Variants in PCDHA11 observed in about 807,000 individuals in gnomAD.
The protein encoded by PCDHA11 is protocadherin alpha 11.
A neutral mutation model predicts 70.3 loss-of-function variants in PCDHA11; 61 were observed. That is an observed-to-expected ratio of 0.87 (90% CI 0.71 to 1.07). The LOEUF is 1.07. PCDHA11 is among the 50% of genes least tolerant of loss of function. PCDHA11 has a pLI of 0.00. For synonymous variants in PCDHA11, 633 were observed against 555.1 expected (o/e 1.14, Z -1.97); for missense variants, 1,324 against 1,237.5 (o/e 1.07, Z -1.05).
At chr5:140,965,861 T>C (rs971753310) in intron 1 of PCDHA11, among the ~76,000 whole-genome samples, 3 of 152,192 alleles carry the variant, frequency 2.0e-5, no homozygotes, top group African/African-American at 7.2e-5. Flanking sequence ...ACACTGAAAA[T>C]AAGGGCCACT....
chr5:141,001,324 C>G (rs1455380423), intron 3 of PCDHA11, among the ~76,000 whole-genome samples: 2 of 152,154 alleles, frequency 1.3e-5, no homozygotes, highest in Non-Finnish European at 1.5e-5. Flanking sequence ...TGCCAAACAT[C>G]ACCATAATTT....
chr5:140,992,382 G>A (rs1275662967), intron 3 of PCDHA11, among the ~76,000 whole-genome samples: 3 of 152,140 alleles, frequency 2.0e-5, no homozygotes, highest in Non-Finnish European at 4.4e-5. Flanking sequence ...ACATTATTGT[G>A]TTCTGGACTT....
intron 1 of PCDHA11, among the ~76,000 whole-genome samples, chr5:140,913,431 C>G (rs1554195920): frequency 6.6e-6 from 1 of 152,036 alleles, no homozygotes; most frequent in African/African-American, 2.4e-5. Flanking sequence ...AGTTGTAATG[C>G]CTCCTTTTTC....
chr5:140,948,267 A>C (rs964252489), intron 1 of PCDHA11, among the ~76,000 whole-genome samples: 1 of 151,646 alleles, frequency 6.6e-6, no homozygotes, highest in South Asian at 2.1e-4. Context: ...GTGTTCATGT[A>C]GAATATCTGT....
intron 3 of PCDHA11, among the ~76,000 whole-genome samples, chr5:141,006,117 T>C (rs2098255751): frequency 6.6e-6 from 1 of 152,094 alleles, no homozygotes; most frequent in African/African-American, 2.4e-5. Flanking sequence ...TTTTTTTTTT[T>C]TTCTCAAGGC....
Position 140,869,373 on chromosome 5 carries a change from C to T in PCDHA11, c.270C>T (p.Ile90=), listed in dbSNP as rs782224697. 3.1e-6 allele frequency: 5 copies of T among 1,613,984 alleles called. No homozygotes were observed. Among genetic ancestry groups the T allele is most frequent in the African/African-American group, 2.7e-5 (2 of 74,930 alleles). The change falls in exon 1 of 4, where the codon ATC becomes ATT. Residue 90 remains isoleucine, a synonymous_variant. Coordinates refer to ENST00000398640, the MANE Select transcript of PCDHA11 (RefSeq NM_018902.5). The part of the protein sequence containing the change: ...QNGILFVNSR[I]DREELCGQSA... ...GCATTTTGTTTGTGAATTCTCGGATCGACCGCGAGGAGCTGTGCGGGCAGA... is the reference window on the plus strand; with the variant it reads ...GCATTTTGTTTGTGAATTCTCGGATTGACCGCGAGGAGCTGTGCGGGCAGA...
chr5:140,871,452 G>A lies in PCDHA11; in HGVS notation c.2349G>A (p.Glu783=), dbSNP rs1207559291. The A allele has an allele frequency of 1.2e-6, 2 of 1,608,490 alleles. No homozygotes were observed. The highest frequency in any genetic ancestry group is 2.2e-5 in the East Asian group (1 of 44,750). Residue 783 remains glutamate, a synonymous_variant, in exon 1 of 4, where the codon GAG becomes GAA. Coordinates refer to ENST00000398640, the MANE Select transcript of PCDHA11 (RefSeq NM_018902.5). The part of the protein sequence containing the change: ...PSLPLGLNKE[E]EGERQEPGSN... ...TTCCTCTAGGTCTGAATAAAGAGGA[G>A]GAAGGGGAAAGACAGGAGCCAGGGT...
intron 1 of PCDHA11, among the ~76,000 whole-genome samples, chr5:140,902,016 T>C (rs541579348): frequency 1.3e-5 from 2 of 152,274 alleles, no homozygotes; most frequent in South Asian, 4.1e-4. Context: ...TTGGGACATA[T>C]AGAAATACTA....
chr5:140,869,028 G>T lies in PCDHA11; in HGVS notation c.-76G>T. ...TTGAAACTTCTTAAGAATTCAACGA[G>T]ATTTTTAACCTGAAACTGAAGAATC... On this transcript the variant is annotated 5_prime_UTR_variant, in exon 1 of 4. Transcript: ENST00000398640. 6.6e-7 allele frequency: 1 copy of T among 1,526,584 alleles called. No individual in the cohort carries two copies. Among genetic ancestry groups the T allele is most frequent in the Middle Eastern group, 1.8e-4 (1 of 5,624 alleles). 94.6% of individuals were successfully genotyped at this position (1,526,584 alleles called of 1,614,324 possible).
chr5:140,958,349 G>T lies in PCDHA11; in HGVS notation c.2392-20600G>T, dbSNP rs142186821. Among the ~76,000 whole-genome samples the T allele has an allele frequency of 7.9e-3, 1,199 of 152,218 alleles. 6 individuals carry two copies. The highest frequency in any genetic ancestry group is 0.012 in the Non-Finnish European group (790 of 67,966). On this transcript the variant is annotated intron_variant, in intron 1 of 3. Coordinates refer to ENST00000398640, the MANE Select transcript of PCDHA11 (RefSeq NM_018902.5). ...ATAAATAAATCACAGGAAGTTCACAGTCTGACTTTATCAGGAATGTTGCTA... is the reference window on the plus strand; with the variant it reads ...ATAAATAAATCACAGGAAGTTCACATTCTGACTTTATCAGGAATGTTGCTA...
At chr5:140,889,331 T>A (rs2153427061) in intron 1 of PCDHA11, among the ~76,000 whole-genome samples, 1 of 152,216 alleles carries the variant, frequency 6.6e-6, no homozygotes, top group Middle Eastern at 3.4e-3. Flanking sequence ...ATCAGGATTT[T>A]GATTGGTGGG....
At chr5:140,902,203 C>CT (rs148688132) in intron 1 of PCDHA11, among the ~76,000 whole-genome samples, 2,237 of 124,430 alleles carry the variant, frequency 0.018, 39 homozygotes, top group East Asian at 0.05. Context: ...CTCTCTCTTT[C>CT]TTTTTTTTTT....
At chr5:140,881,333 G>A (rs1554171980) in intron 1 of PCDHA11, 1 of 984,778 alleles carries the variant, frequency 1.0e-6, no homozygotes, top group Admixed American at 6.1e-5. Context: ...TAACCAGGAC[G>A]CCGATTCGGG....
At chr5:140,977,925 A>G (rs782072280) in intron 1 of PCDHA11, among the ~76,000 whole-genome samples, 8 of 152,152 alleles carry the variant, frequency 5.3e-5, no homozygotes, top group Non-Finnish European at 1.0e-4. Flanking sequence ...TTTTCATTCA[A>G]CTATACCTCA....
In PCDHA11 at chr5:140,886,468, T is replaced by C. The variant is rs138596929; in HGVS notation, c.2391+14974T>C. The stretch of plus-strand genomic sequence containing the variant: ...TAATTTTGTCATATATAAATGTTTT[T>C]AAAATGTATGAATTAAAATATATCT... On this transcript the variant is annotated intron_variant, in intron 1 of 3. Coordinates refer to ENST00000398640, the MANE Select transcript of PCDHA11 (RefSeq NM_018902.5). Among the ~76,000 whole-genome samples, 1,063 of 152,318 alleles carry C rather than the reference T, an allele frequency of 7.0e-3. 10 individuals carry two copies. Among genetic ancestry groups the C allele is most frequent in the Non-Finnish European group, 0.012 (787 of 68,024 alleles).
At chr5:140,926,946 A>G in intron 1 of PCDHA11, 1 of 1,590,228 alleles carries the variant, frequency 6.3e-7, no homozygotes. Context: ...GCGGCGCTGC[A>G]GCGGGACAGC....
chr5:140,932,042 A>G (rs1419099942), intron 1 of PCDHA11, among the ~76,000 whole-genome samples: 1 of 151,970 alleles, frequency 6.6e-6, no homozygotes, highest in Non-Finnish European at 1.5e-5. Flanking sequence ...ATATTAACAT[A>G]GCCTGTAATA....
chr5:140,883,397 C>A, intron 1 of PCDHA11: 1 of 1,614,170 alleles, frequency 6.2e-7, no homozygotes. Flanking sequence ...TGTGTCCGAT[C>A]GTGACTCTGG....
At chr5:140,940,764 G>C (rs977154290) in intron 1 of PCDHA11, among the ~76,000 whole-genome samples, 1 of 152,080 alleles carries the variant, frequency 6.6e-6, no homozygotes, top group Non-Finnish European at 1.5e-5. Context: ...ACTTTTATTT[G>C]ACTTTTGATG....
Sources: gnomAD v4.1 joint callset for allele counts (sites outside exome capture counted in the v4.1 genomes callset) on GRCh38, gnomAD v4.1.1 for gene constraint, MANE v1.5 for transcripts, NCBI Gene and HGNC (gene_info 2026-07-23, HGNC 2026-07-21) for gene names.